ANKFN1: variants seen among roughly 807,000 people sequenced by gnomAD.
The protein encoded by ANKFN1 is ankyrin repeat and fibronectin type-III domain-containing protein 1.
A neutral mutation model predicts 108.7 loss-of-function variants in ANKFN1; 74 were observed. The ratio of observed to expected loss-of-function variants is 0.68; its 90% CI spans 0.56 to 0.83. The LOEUF (loss-of-function observed/expected upper bound fraction) is 0.83, where lower values mean the gene tolerates loss of function less well. Ranked by LOEUF, ANKFN1 falls within the 40% of genes least tolerant of loss-of-function variation. The probability of loss-of-function intolerance (pLI) is 0.00; values close to 1 mark genes in which losing one functional copy is unlikely to be tolerated. For synonymous variants in ANKFN1, 547 were observed against 516.2 expected, an observed-to-expected ratio of 1.06 and a Z score of -0.81; for missense variants, 1,505 against 1,382.3, an observed-to-expected ratio of 1.09 and a Z score of -1.41.
intron 8 of ANKFN1, among the ~76,000 whole-genome samples, chr17:56,433,941 CAGG>C (rs1321989535): frequency 2.0e-5 from 3 of 152,068 alleles, no homozygotes; most frequent in East Asian, 3.8e-4. Flanking sequence ...TCTGCTGAGG[CAGG>C]AGAATTGCTT....
At chr17:56,234,829 T>C (rs1337488063) in intron 3 of ANKFN1, among the ~76,000 whole-genome samples, 2 of 152,206 alleles carry the variant, frequency 1.3e-5, no homozygotes, top group African/African-American at 4.8e-5. Context: ...ACATGTGTCT[T>C]TATGGTAGAC....
At chr17:56,310,127 TG>T (rs57006150) in intron 3 of ANKFN1, among the ~76,000 whole-genome samples, 26,809 of 152,098 alleles carry the variant, frequency 0.18, 2,896 homozygotes, top group African/African-American at 0.32. Context: ...GACAAAGAGA[TG>T]GATTCACGTC....
chr17:56,193,641 T>A (rs1459038380), intron 1 of ANKFN1, among the ~76,000 whole-genome samples: 1 of 149,722 alleles, frequency 6.7e-6, no homozygotes, highest in African/African-American at 2.4e-5. Context: ...TAACTCAAGA[T>A]GGATCACAGA....
chr17:56,110,036 G>C (rs1035146831), intron 4 of ANKFN1, among the ~76,000 whole-genome samples: 4 of 152,330 alleles, frequency 2.6e-5, no homozygotes, highest in African/African-American at 9.6e-5. Flanking sequence ...TGGTTAGTTT[G>C]TGGTGCTTAA....
intron 8 of ANKFN1, among the ~76,000 whole-genome samples, chr17:56,408,654 T>TTAC (rs1332913104): frequency 6.6e-6 from 1 of 152,200 alleles, no homozygotes; most frequent in Non-Finnish European, 1.5e-5. Flanking sequence ...TTTATTTCTG[T>TTAC]TACCTATTTC....
At chr17:56,376,903 C>A (rs1243491402) in intron 8 of ANKFN1, among the ~76,000 whole-genome samples, 1 of 152,028 alleles carries the variant, frequency 6.6e-6, no homozygotes, top group Non-Finnish European at 1.5e-5. Context: ...CAGCTGGCAG[C>A]CTACTGTATC....
At position 56,498,920 on chromosome 17, in the gene ANKFN1, G is replaced by A. The variant is rs2051283351; in HGVS notation, c.2466G>A (p.Met822Ile). Residue 822 changes from methionine to isoleucine, a missense_variant, in exon 20 of 21, where the codon ATG becomes ATA. Met to Ile is a conservative substitution (Grantham distance 10). Transcript: ENST00000682825. ...TCTGGCGTGAAATGAGATGGATCAT[G>A]GATGCTCTACAGTATGCAAGATACA... Reference protein sequence around the residue: ...DEVWREMRWIMDALQYARYKQ... With the variant: ...DEVWREMRWIIDALQYARYKQ... The A allele has an allele frequency of 6.5e-7, 1 of 1,535,532 alleles. No individual in the cohort carries two copies. The highest frequency in any genetic ancestry group is 1.4e-5 in the African/African-American group (1 of 72,986).
At chr17:56,475,707 G>A (rs1437076422) in intron 15 of ANKFN1, among the ~76,000 whole-genome samples, 2 of 152,124 alleles carry the variant, frequency 1.3e-5, no homozygotes, top group African/African-American at 4.8e-5. Flanking sequence ...ACTGAATCAA[G>A]CTAATTAACA....
chr17:56,466,634 C>A, intron 15 of ANKFN1, 63 bp downstream of exon 15: 1 of 1,409,644 alleles, frequency 7.1e-7, no homozygotes, highest in Non-Finnish European at 9.7e-7. Flanking sequence ...TATTGAAGGT[C>A]TAGTGAAATA....
At chr17:56,475,604 T>C (rs1327758323) in intron 15 of ANKFN1, among the ~76,000 whole-genome samples, 1 of 152,182 alleles carries the variant, frequency 6.6e-6, no homozygotes, top group African/African-American at 2.4e-5. Context: ...CTTTTAAATA[T>C]TTTCATTAGT....
intron 8 of ANKFN1, among the ~76,000 whole-genome samples, chr17:56,408,421 A>G (rs1370006319): frequency 6.6e-6 from 1 of 152,186 alleles, no homozygotes; most frequent in Non-Finnish European, 1.5e-5. Flanking sequence ...ATGAATTAAT[A>G]TAGGTATAAA....
intron 5 of ANKFN1, among the ~76,000 whole-genome samples, chr17:56,353,296 C>T (rs1205763807): frequency 2.0e-5 from 3 of 150,832 alleles, no homozygotes; most frequent in Non-Finnish European, 4.4e-5. Flanking sequence ...AGTTCAGTGG[C>T]GCAATCTCAG....
In ANKFN1 at chr17:56,480,746, G is replaced by A; in HGVS notation, c.2019G>A (p.Met673Ile). The part of the protein sequence containing the change: ...ESVDHTSDCP[M>I]QLFFYELQMA... ...TGGATCATACTTCTGACTGCCCCAT[G>A]CAATTGTTCTTCTACGAGCTCCAGA... is the stretch of plus-strand genomic sequence containing the variant. Residue 673 changes from methionine to isoleucine, a missense_variant, in exon 17 of 21, where the codon ATG (methionine) becomes ATA (isoleucine). Transcript: ENST00000682825. The A allele has an allele frequency of 6.2e-7, 1 of 1,613,978 alleles. No homozygotes were observed.
chr17:56,130,061 A>T (rs1156340584), intron 4 of ANKFN1, among the ~76,000 whole-genome samples: 2 of 152,228 alleles, frequency 1.3e-5, no homozygotes, highest in African/African-American at 4.8e-5. Flanking sequence ...CCGCTCAGAC[A>T]GTTGGTGCTT....
chr17:56,169,959 G>T (rs535740058), intron 1 of ANKFN1, among the ~76,000 whole-genome samples: 1 of 152,264 alleles, frequency 6.6e-6, no homozygotes, highest in African/African-American at 2.4e-5. Flanking sequence ...TGCAGAGATT[G>T]GGTTAACAGA....
intron 3 of ANKFN1, among the ~76,000 whole-genome samples, chr17:56,317,079 A>T (rs996738485): frequency 6.6e-6 from 1 of 152,152 alleles, no homozygotes; most frequent in Non-Finnish European, 1.5e-5. Context: ...ACAAACCAAG[A>T]CTAGCTGGGT....
intron 15 of ANKFN1, chr17:56,473,061 A>G (rs1400689086): frequency 6.6e-6 from 1 of 152,160 alleles, no homozygotes; most frequent in Non-Finnish European, 1.5e-5. Context: ...TGCTTACATG[A>G]TTCTCTCACA....
intron 15 of ANKFN1, among the ~76,000 whole-genome samples, chr17:56,470,611 A>G (rs2050283855): frequency 6.6e-6 from 1 of 152,108 alleles, no homozygotes; most frequent in Non-Finnish European, 1.5e-5. Context: ...TTCCATCACA[A>G]CTAAGGAAAA....
At position 56,513,605 on chromosome 17, in the gene ANKFN1, A is replaced by G. The variant is rs1411048066; in HGVS notation, c.*2336A>G. ...TGACTGAATCAGGTGGGAGGCATTC[A>G]ACAAACAGGAGAGGCAGAAACTGAC... On this transcript the variant is annotated 3_prime_UTR_variant, in exon 21 of 21. Coordinates refer to ENST00000682825, the MANE Select transcript of ANKFN1 (RefSeq NM_001370326.1). Among the ~76,000 whole-genome samples, 1 of 152,192 alleles carries G rather than the reference A, an allele frequency of 6.6e-6. No homozygotes were observed. Among genetic ancestry groups the G allele is most frequent in the Non-Finnish European group, 1.5e-5 (1 of 68,036 alleles).
Sources: allele counts gnomAD v4.1 joint callset (sites outside exome capture counted in the v4.1 genomes callset), GRCh38; gene constraint gnomAD v4.1.1; transcripts MANE v1.5; gene names NCBI Gene and HGNC (gene_info 2026-07-23, HGNC 2026-07-21).